EXOC1: variants seen among roughly 807,000 people sequenced by gnomAD.
EXOC1 encodes SEC3-like 1.
EXOC1 carries 67 observed loss-of-function variants against 107.7 expected under a neutral mutation model. The observed-to-expected ratio is 0.62, with a 90% CI of 0.51 to 0.76. EXOC1 has a LOEUF of 0.76. Among genes scored for constraint, EXOC1 ranks in the 30% least tolerant of loss-of-function variants. The pLI, the probability that EXOC1 is intolerant of heterozygous loss-of-function variation, is 0.00. For missense variants in EXOC1, 833 were observed against 1,055.7 expected, an observed-to-expected ratio of 0.79 and a Z score of 2.92; for synonymous variants, 348 against 353.5, an observed-to-expected ratio of 0.98 and a Z score of 0.17.
chr4:55,893,782 T>G lies in EXOC1; in HGVS notation c.1953+2T>G. The G allele has an allele frequency of 1.2e-6, 2 of 1,607,478 alleles. No homozygotes were observed. Among genetic ancestry groups the G allele is most frequent in the South Asian group, 2.2e-5 (2 of 89,830 alleles). ...AAAAGGAACTTTGACAAATGCATTG[T>G]AAGTTTTCTTTTTTAAAAAAATACC... On this transcript the variant is annotated splice_donor_variant, in intron 15 of 18. Transcript: ENST00000381295. LOFTEE classifies it high-confidence loss of function.
At position 55,859,429 on chromosome 4, in the gene EXOC1, A is replaced by G. The variant is rs568006042; in HGVS notation, c.124+982A>G. Among the ~76,000 whole-genome samples the G allele has an allele frequency of 4.1e-4, 63 of 152,290 alleles. 5 individuals are homozygous for G. The highest frequency in any genetic ancestry group is 3.6e-3 in the Admixed American group (55 of 15,292). ...CTTATTAACATTAATACATTTTAAAATCATATATTGTTAGAATTCTACAAT... is the reference window on the plus strand; with the variant it reads ...CTTATTAACATTAATACATTTTAAAGTCATATATTGTTAGAATTCTACAAT... On this transcript the variant is annotated intron_variant, in intron 2 of 18. Coordinates refer to ENST00000381295, the MANE Select transcript of EXOC1 (RefSeq NM_001024924.2).
intron 8 of EXOC1, among the ~76,000 whole-genome samples, chr4:55,873,692 TGG>T (rs1050676675): frequency 3.3e-5 from 5 of 152,162 alleles, no homozygotes; most frequent in African/African-American, 1.2e-4. Context: ...TGCGACAACC[TGG>T]GGTGTGCCAA....
chr4:55,871,738 C>G (rs1264537395), intron 7 of EXOC1, 111 bp from the exon 8 acceptor site: 5 of 810,090 alleles, frequency 6.2e-6, no homozygotes, highest in African/African-American at 1.7e-5. Flanking sequence ...AATGAATACA[C>G]CCATAAAACT....
chr4:55,865,483 T>A (rs1577699919), intron 4 of EXOC1, among the ~76,000 whole-genome samples: 1 of 152,172 alleles, frequency 6.6e-6, no homozygotes, highest in Non-Finnish European at 1.5e-5. Context: ...CCCAACATCT[T>A]GGTAATTGAG....
chr4:55,858,069 T>G (rs571954319), intron 1 of EXOC1, among the ~76,000 whole-genome samples: 1 of 152,312 alleles, frequency 6.6e-6, no homozygotes, highest in South Asian at 2.1e-4. Context: ...GATTTTTTTC[T>G]TAAATCTTGT....
intron 12 of EXOC1, 39 bp downstream of exon 12, chr4:55,890,425 T>C (rs1724381746): frequency 1.3e-6 from 2 of 1,591,178 alleles, no homozygotes; most frequent in Non-Finnish European, 1.7e-6. Flanking sequence ...ACATTAACAT[T>C]AGTTTTCTAA....
chr4:55,877,758 G>A, intron 8 of EXOC1, 159 bp from the exon 9 acceptor site: 9 of 984,156 alleles, frequency 9.1e-6, no homozygotes, highest in Non-Finnish European at 1.1e-5. Flanking sequence ...TAAAAGTTGT[G>A]TAAGTATTTG....
chr4:55,877,902 T>G lies in EXOC1; in HGVS notation c.1075-15T>G. 6.2e-7 allele frequency: 1 copy of G among 1,612,508 alleles called. No individual in the cohort carries two copies. Among genetic ancestry groups the G allele is most frequent in the African/African-American group, 1.3e-5 (1 of 74,958 alleles). ...ACTGTTGATTACATTTATTTACTTA[T>G]TTTACTCACTTTAGGGTCATGATCA... On this transcript the variant is annotated splice_polypyrimidine_tract_variant and intron_variant, in intron 8 of 18. Coordinates refer to ENST00000381295, the MANE Select transcript of EXOC1 (RefSeq NM_001024924.2).
intron 2 of EXOC1, among the ~76,000 whole-genome samples, 165 bp downstream of exon 2, chr4:55,858,612 A>G (rs1721200543): frequency 1.3e-5 from 2 of 152,166 alleles, no homozygotes; most frequent in Non-Finnish European, 2.9e-5. Flanking sequence ...ATTGTTGTCA[A>G]TCTGGTGGCA....
At chr4:55,876,556 C>G (rs1722910329) in intron 8 of EXOC1, 1 of 974,674 alleles carries the variant, frequency 1.0e-6, no homozygotes, top group Non-Finnish European at 1.2e-6. Flanking sequence ...AGCTTTTTGG[C>G]TGTCAGAATT....
chr4:55,885,807 C>G (rs976402693), intron 10 of EXOC1: 9 of 152,254 alleles, frequency 5.9e-5, no homozygotes, highest in African/African-American at 2.2e-4. Context: ...CAACTTTTAG[C>G]TAGTATTTTA....
At chr4:55,897,584 C>G (rs544683159) in intron 16 of EXOC1, among the ~76,000 whole-genome samples, 1 of 152,140 alleles carries the variant, frequency 6.6e-6, no homozygotes, top group South Asian at 2.1e-4. Context: ...AATAAATGAT[C>G]TGATTGCATA....
chr4:55,904,199 A>C lies in EXOC1; in HGVS notation c.2533-144A>C, dbSNP rs1053589420. 1.3e-5 allele frequency: 9 copies of C among 686,550 alleles called. No homozygotes were observed. The African/African-American group carries it at 1.7e-4, about 13-fold the overall frequency. The allele number at this position is 686,550 out of a possible 1,614,324, so 42.5% of individuals were successfully genotyped here. On this transcript the variant is annotated intron_variant, in intron 18 of 18. Transcript: ENST00000381295. ...GAAGGTTACAAATCTTGTAGGTAAA[A>C]GTGACTGGGATTCTGGTTTCAGAAT... is the stretch of plus-strand genomic sequence containing the variant.
chr4:55,893,005 A>G (rs1485378503), intron 14 of EXOC1, among the ~76,000 whole-genome samples: 2 of 152,258 alleles, frequency 1.3e-5, no homozygotes, highest in Admixed American at 6.5e-5. Flanking sequence ...AGCACATTTC[A>G]TGACCCAGCT....
At position 55,904,583 on chromosome 4, in the gene EXOC1, C is replaced by A; in HGVS notation, c.*88C>A. On this transcript the variant is annotated 3_prime_UTR_variant, in exon 19 of 19. Coordinates refer to ENST00000381295, the MANE Select transcript of EXOC1 (RefSeq NM_001024924.2). ...AATACCAAGCAACTGTTTTGAGAAC[C>A]CAGACTTAAAATTTTATGTATTATT... The A allele has an allele frequency of 2.3e-6, 3 of 1,331,666 alleles. No individual in the cohort carries two copies. The highest frequency in any genetic ancestry group is 1.5e-5 in the African/African-American group (1 of 66,876). 82.5% of individuals were successfully genotyped at this position (1,331,666 alleles called of 1,614,324 possible).
At chr4:55,903,147 T>TAAAAAAAA (rs10544843) in intron 18 of EXOC1, among the ~76,000 whole-genome samples, 5 of 98,416 alleles carry the variant, frequency 5.1e-5, no homozygotes, top group African/African-American at 6.7e-5. Context: ...GTGTCTCAAT[T>TAAAAAAAA]AAAAAAAAAA....
chr4:55,875,001 C>T (rs1275451929), intron 8 of EXOC1, among the ~76,000 whole-genome samples: 2 of 152,106 alleles, frequency 1.3e-5, no homozygotes, highest in Non-Finnish European at 2.9e-5. Flanking sequence ...CTACAGAGAC[C>T]TCATGATTCT....
chr4:55,877,258 A>G, intron 8 of EXOC1: 1 of 985,380 alleles, frequency 1.0e-6, no homozygotes, highest in Non-Finnish European at 1.2e-6. Context: ...TGTAATTTTA[A>G]TACAGTTTTC....
At chr4:55,873,601 G>A (rs1013934947) in intron 8 of EXOC1, among the ~76,000 whole-genome samples, 1 of 152,076 alleles carries the variant, frequency 6.6e-6, no homozygotes, top group African/African-American at 2.4e-5. Context: ...TAATGGCCTC[G>A]TTTAAAATGA....
Sources: gnomAD v4.1 joint callset for allele counts (sites outside exome capture counted in the v4.1 genomes callset) on GRCh38, gnomAD v4.1.1 for gene constraint, MANE v1.5 for transcripts, NCBI Gene and HGNC (gene_info 2026-07-23, HGNC 2026-07-21) for gene names.